PGM5: variants seen among roughly 807,000 people sequenced by gnomAD.
The protein encoded by PGM5 is phosphoglucomutase 5.
PGM5 carries 23 observed loss-of-function variants against 59.2 expected under a neutral mutation model. That is an observed-to-expected ratio of 0.39 (90% CI 0.28 to 0.55). The LOEUF (loss-of-function observed/expected upper bound fraction) is 0.55. PGM5 is among the 20% of genes least tolerant of loss of function. PGM5 has a pLI of 0.66. For synonymous variants in PGM5, 214 were observed against 286.0 expected (o/e 0.75, Z 2.54); for missense variants, 574 against 748.3 (o/e 0.77, Z 2.72).
chr9:68,376,817 C>CT (rs782088032), intron 1 of PGM5, among the ~76,000 whole-genome samples: 17 of 72,032 alleles, frequency 2.4e-4, no homozygotes, highest in South Asian at 7.6e-4. Context: ...TTCTTTCTTT[C>CT]TTTCTTTCTT....
intron 6 of PGM5, among the ~76,000 whole-genome samples, chr9:68,413,780 C>T (rs1554681792): frequency 6.6e-6 from 1 of 152,200 alleles, no homozygotes; most frequent in East Asian, 1.9e-4. Flanking sequence ...GATGCAGGAA[C>T]TCATCTCTTA....
At chr9:68,405,584 C>G (rs1427643326) in intron 6 of PGM5, 6 of 153,528 alleles carry the variant, frequency 3.9e-5, no homozygotes, top group African/African-American at 1.4e-4. Context: ...CTCATCCTCT[C>G]CTCTTTATTC....
At chr9:68,431,656 G>T (rs782230725) in intron 6 of PGM5, among the ~76,000 whole-genome samples, 3 of 152,162 alleles carry the variant, frequency 2.0e-5, no homozygotes, top group Non-Finnish European at 4.4e-5. Context: ...CTTCTAGAAT[G>T]ATCTTATAAC....
At chr9:68,459,081 A>G (rs1823820282) in intron 6 of PGM5, among the ~76,000 whole-genome samples, 1 of 152,232 alleles carries the variant, frequency 6.6e-6, no homozygotes. Flanking sequence ...ATTAACCAGC[A>G]TATCCAGGAT....
At chr9:68,466,186 C>T in intron 7 of PGM5, 1 of 1,296,186 alleles carries the variant, frequency 7.7e-7, no homozygotes. Flanking sequence ...ATTGGAACAT[C>T]TTTAAGTTCA....
chr9:68,510,603 T>G (rs1482539800), intron 10 of PGM5, among the ~76,000 whole-genome samples: 6 of 152,158 alleles, frequency 3.9e-5, no homozygotes, highest in African/African-American at 1.2e-4. Flanking sequence ...GTAAAGAGTT[T>G]TGTACAATGC....
intron 7 of PGM5, among the ~76,000 whole-genome samples, chr9:68,471,616 TA>T (rs782012642): frequency 0.013 from 1,694 of 132,558 alleles, 7 homozygotes; most frequent in African/African-American, 0.022. Context: ...CCCTGTCTCT[TA>T]AAAAAAAAAA....
At chr9:68,377,527 G>A (rs1266196077) in intron 1 of PGM5, among the ~76,000 whole-genome samples, 36 of 152,304 alleles carry the variant, frequency 2.4e-4, no homozygotes, top group African/African-American at 6.7e-4. Flanking sequence ...GTTCTTCAGC[G>A]CTGTGTTGCT....
chr9:68,525,403 G>A (rs1248426475), intron 10 of PGM5, among the ~76,000 whole-genome samples: 6 of 152,126 alleles, frequency 3.9e-5, no homozygotes, highest in East Asian at 3.9e-4. Flanking sequence ...TGTCATGCAC[G>A]GCGTAGTGAT....
At chr9:68,420,426 T>C (rs1451684610) in intron 6 of PGM5, among the ~76,000 whole-genome samples, 1 of 152,224 alleles carries the variant, frequency 6.6e-6, no homozygotes, top group East Asian at 1.9e-4. Context: ...CCACTGACCT[T>C]GAGCTTATTC....
intron 6 of PGM5, among the ~76,000 whole-genome samples, chr9:68,445,249 C>T (rs1396838206): frequency 6.6e-6 from 1 of 152,062 alleles, no homozygotes; most frequent in Non-Finnish European, 1.5e-5. Context: ...TTCAGGGCCC[C>T]ATCCCCAGAG....
intron 6 of PGM5, among the ~76,000 whole-genome samples, chr9:68,450,868 CA>C (rs1286240882): frequency 1.3e-5 from 2 of 152,134 alleles, no homozygotes; most frequent in Non-Finnish European, 2.9e-5. Context: ...TGGAAATTGA[CA>C]GAGAAAATGT....
intron 1 of PGM5, among the ~76,000 whole-genome samples, chr9:68,377,431 T>C (rs1184088423): frequency 1.3e-4 from 20 of 152,222 alleles, no homozygotes; most frequent in Non-Finnish European, 5.9e-5. Context: ...AAAAGCTTCG[T>C]AAGTGATTCT....
intron 6 of PGM5, among the ~76,000 whole-genome samples, chr9:68,435,374 A>G (rs1160984394): frequency 6.6e-6 from 1 of 152,230 alleles, no homozygotes; most frequent in Non-Finnish European, 1.5e-5. Context: ...GGCAATTTTC[A>G]TCGGGTAAAA....
intron 6 of PGM5, among the ~76,000 whole-genome samples, chr9:68,447,719 T>C (rs1433187288): frequency 1.3e-5 from 2 of 152,018 alleles, no homozygotes; most frequent in Non-Finnish European, 2.9e-5. Flanking sequence ...TATAAACAAT[T>C]TTTTATAGGC....
intron 9 of PGM5, among the ~76,000 whole-genome samples, chr9:68,494,027 G>A (rs1824442414): frequency 6.6e-6 from 1 of 152,162 alleles, no homozygotes; most frequent in Non-Finnish European, 1.5e-5. Context: ...TGGAACTGAA[G>A]TGCTCTTTTG....
intron 6 of PGM5, chr9:68,396,410 C>G (rs1369047871): frequency 1.3e-5 from 2 of 152,152 alleles, no homozygotes; most frequent in Non-Finnish European, 2.9e-5. Context: ...AAATAACTTT[C>G]CAAACCATGG....
chr9:68,358,858 A>G (rs1834520799), intron 1 of PGM5, among the ~76,000 whole-genome samples: 1 of 152,106 alleles, frequency 6.6e-6, no homozygotes, highest in Non-Finnish European at 1.5e-5. Context: ...GATGCTGGAT[A>G]TATGGGGTTT....
intron 6 of PGM5, among the ~76,000 whole-genome samples, chr9:68,426,140 GA>G (rs1204637128): frequency 3.3e-5 from 5 of 152,054 alleles, no homozygotes; most frequent in Admixed American, 6.5e-5. Context: ...TCATTCCCCA[GA>G]GGCAGAGAGT....
Sources: allele counts gnomAD v4.1 joint callset (sites outside exome capture counted in the v4.1 genomes callset), GRCh38; gene constraint gnomAD v4.1.1; transcripts MANE v1.5; gene names NCBI Gene and HGNC (gene_info 2026-07-23, HGNC 2026-07-21).